SLC8A1: variants seen among roughly 807,000 people sequenced by gnomAD.
The protein encoded by SLC8A1 is sodium/calcium exchanger 1.
In SLC8A1, 18 loss-of-function variants were observed where a neutral mutation model predicts 68.3. That is an observed-to-expected ratio of 0.26 (90% confidence interval 0.18 to 0.39). The LOEUF (loss-of-function observed/expected upper bound fraction) is 0.39. Ranked by LOEUF, SLC8A1 falls within the 10% of genes least tolerant of loss-of-function variation. The pLI is 1.00. For synonymous variants in SLC8A1, 475 were observed against 415.5 expected (o/e 1.14, Z -1.74); for missense variants, 985 against 1,156.7 (o/e 0.85, Z 2.15).
intron 7 of SLC8A1, among the ~76,000 whole-genome samples, chr2:40,131,101 C>A (rs1296529579): frequency 6.6e-6 from 1 of 152,202 alleles, no homozygotes; most frequent in Admixed American, 6.5e-5. Flanking sequence ...TATAAATTCT[C>A]TCTCATGTAA....
chr2:40,450,748 A>G (rs921759654), intron 1 of SLC8A1, among the ~76,000 whole-genome samples: 1 of 152,222 alleles, frequency 6.6e-6, no homozygotes, highest in Non-Finnish European at 1.5e-5. Context: ...AGAGAGAGAG[A>G]GCGGCTTCAG....
chr2:40,327,874 C>G (rs1175608083), intron 2 of SLC8A1, among the ~76,000 whole-genome samples: 1 of 151,960 alleles, frequency 6.6e-6, no homozygotes, highest in Admixed American at 6.6e-5. Context: ...ATGTAACAAA[C>G]CTGCACATGT....
At position 40,375,249 on chromosome 2, in the gene SLC8A1, C is replaced by T. The variant is rs552611349; in HGVS notation, c.1808+53224G>A. Among the ~76,000 whole-genome samples, 3 of 152,142 alleles carry T rather than the reference C, an allele frequency of 2.0e-5. No homozygotes were observed. The East Asian group carries it at 5.8e-4, about 30-fold the overall frequency. On this transcript the variant is annotated intron_variant, in intron 2 of 7. Transcript: ENST00000406785. Reference sequence around the variant, plus strand: ...ATAGAAACCCTAAGAACAGCATAAACACAGATATTAGTACCTTTGGCTTTG... The same window carrying T: ...ATAGAAACCCTAAGAACAGCATAAATACAGATATTAGTACCTTTGGCTTTG...
At chr2:40,404,067 CA>C (rs1156794291) in intron 2 of SLC8A1, among the ~76,000 whole-genome samples, 2 of 152,054 alleles carry the variant, frequency 1.3e-5, no homozygotes, top group African/African-American at 4.8e-5. Context: ...TGAATTTCAG[CA>C]TTTTTTTTTA....
At chr2:40,387,293 AT>A (rs1288519543) in intron 2 of SLC8A1, among the ~76,000 whole-genome samples, 7 of 151,376 alleles carry the variant, frequency 4.6e-5, no homozygotes, top group Admixed American at 4.6e-4. Context: ...TCACCACCTT[AT>A]TTTAGCTTCC....
chr2:40,195,667 A>G (rs918382118), intron 2 of SLC8A1: 9 of 152,104 alleles, frequency 5.9e-5, no homozygotes, highest in African/African-American at 2.2e-4. Flanking sequence ...TGTGGGGAGA[A>G]GATAATAAAT....
chr2:40,507,643 C>T (rs1239331181), intron 1 of SLC8A1, among the ~76,000 whole-genome samples: 1 of 151,962 alleles, frequency 6.6e-6, no homozygotes, highest in Non-Finnish European at 1.5e-5. Flanking sequence ...CCTTCAAATC[C>T]TACTTCCTCT....
At chr2:40,264,720 G>A (rs892112647) in intron 2 of SLC8A1, among the ~76,000 whole-genome samples, 1 of 152,076 alleles carries the variant, frequency 6.6e-6, no homozygotes, top group East Asian at 1.9e-4. Flanking sequence ...TGAGGGAGAG[G>A]GATAGCATTA....
chr2:40,398,987 CTT>C (rs1687860152), intron 2 of SLC8A1, among the ~76,000 whole-genome samples: 2 of 152,090 alleles, frequency 1.3e-5, no homozygotes, highest in African/African-American at 4.8e-5. Flanking sequence ...TGAAAAATGA[CTT>C]TTAAAAATGA....
At chr2:40,449,154 AAAAAAAC>A (rs532063141) in intron 1 of SLC8A1, among the ~76,000 whole-genome samples, 82 of 146,428 alleles carry the variant, frequency 5.6e-4, no homozygotes, top group African/African-American at 8.2e-4. Context: ...ACATTAAAAA[AAAAAAAC>A]AAAAAACAAA....
At chr2:40,220,639 G>A (rs1421478564) in intron 2 of SLC8A1, among the ~76,000 whole-genome samples, 1 of 152,166 alleles carries the variant, frequency 6.6e-6, no homozygotes, top group African/African-American at 2.4e-5. Flanking sequence ...TGAATTATAA[G>A]AATGTGCAGT....
At chr2:40,428,129 T>C (rs533113552) in intron 2 of SLC8A1, among the ~76,000 whole-genome samples, 36 of 152,132 alleles carry the variant, frequency 2.4e-4, no homozygotes, top group Non-Finnish European at 4.0e-4. Flanking sequence ...ATATACCATG[T>C]GATTCAAAAT....
intron 1 of SLC8A1, among the ~76,000 whole-genome samples, chr2:40,439,876 A>C (rs2149823377): frequency 6.6e-6 from 1 of 152,280 alleles, no homozygotes; most frequent in African/African-American, 2.4e-5. Flanking sequence ...ACTCTCCATC[A>C]GTGTTGTATG....
intron 1 of SLC8A1, among the ~76,000 whole-genome samples, chr2:40,459,901 G>A (rs762659439): frequency 3.9e-5 from 6 of 152,032 alleles, no homozygotes; most frequent in Non-Finnish European, 7.4e-5. Context: ...ATACTCATTC[G>A]CATACATGGC....
At chr2:40,442,603 A>T (rs1316694599) in intron 1 of SLC8A1, among the ~76,000 whole-genome samples, 1 of 152,180 alleles carries the variant, frequency 6.6e-6, no homozygotes, top group African/African-American at 2.4e-5. Context: ...GTCAGGAAAC[A>T]ATAGATGCTG....
At chr2:40,448,339 C>T (rs1480022479) in intron 1 of SLC8A1, among the ~76,000 whole-genome samples, 7 of 152,110 alleles carry the variant, frequency 4.6e-5, no homozygotes, top group South Asian at 2.1e-4. Flanking sequence ...AAAGTAATCC[C>T]GCTGCACTTA....
intron 4 of SLC8A1, among the ~76,000 whole-genome samples, chr2:40,165,297 C>A (rs188573104): frequency 6.6e-6 from 1 of 152,142 alleles, no homozygotes. Flanking sequence ...AAGGGAGTCA[C>A]GCAGCTATTC....
At chr2:40,097,570 AG>A (rs2033646778) in exon 8 of SLC8A1, 1 of 152,014 alleles carries the variant, frequency 6.6e-6, no homozygotes, top group Non-Finnish European at 1.5e-5. Flanking sequence ...GGCAGCATGC[AG>A]GAAGAGTCAT....
intron 2 of SLC8A1, among the ~76,000 whole-genome samples, chr2:40,416,932 T>A (rs1694051539): frequency 6.6e-6 from 1 of 152,022 alleles, no homozygotes; most frequent in Non-Finnish European, 1.5e-5. Flanking sequence ...GCCCTAAGCA[T>A]CACATTTTCC....
Sources: allele counts gnomAD v4.1 joint callset (sites outside exome capture counted in the v4.1 genomes callset), GRCh38; gene constraint gnomAD v4.1.1; transcripts MANE v1.5; gene names NCBI Gene and HGNC (gene_info 2026-07-23, HGNC 2026-07-21).